The following SDHAF3 variants were observed in gnomAD, a reference collection of about 807,000 sequenced individuals.
SDHAF3 encodes the protein succinate dehydrogenase assembly factor 3, mitochondrial.
Under a neutral mutation model 11.5 loss-of-function variants are expected in SDHAF3, and 18 were observed. The ratio of observed to expected loss-of-function variants is 1.56; its 90% CI spans 1.08 to 2.32. SDHAF3 has a LOEUF of 2.32. Among genes scored for constraint, SDHAF3 ranks in the 30% most tolerant of loss-of-function variants. SDHAF3 has a pLI of 0.00. For synonymous variants in SDHAF3, 72 were observed against 59.3 expected, an observed-to-expected ratio of 1.21 and a Z score of -0.99; for missense variants, 200 against 154.4, an observed-to-expected ratio of 1.30 and a Z score of -1.57.
At chr7:97,164,613 G>A (rs1789473164) in intron 1 of SDHAF3, among the ~76,000 whole-genome samples, 1 of 150,828 alleles carries the variant, frequency 6.6e-6, no homozygotes, top group African/African-American at 2.4e-5. Flanking sequence ...GACCCTAGGT[G>A]ATCCACCCCT....
intron 1 of SDHAF3, among the ~76,000 whole-genome samples, chr7:97,167,208 C>T (rs921063806): frequency 1.1e-4 from 16 of 152,038 alleles, no homozygotes; most frequent in South Asian, 2.1e-4. Context: ...GGGCAGATTT[C>T]CCCCTTGCTG....
At chr7:97,162,924 A>T (rs1789436334) in intron 1 of SDHAF3, among the ~76,000 whole-genome samples, 1 of 152,154 alleles carries the variant, frequency 6.6e-6, no homozygotes, top group African/African-American at 2.4e-5. Context: ...TGCAGAGCTG[A>T]GTTCAACTCC....
chr7:97,154,919 G>A (rs771669875), intron 1 of SDHAF3, among the ~76,000 whole-genome samples: 5 of 152,016 alleles, frequency 3.3e-5, no homozygotes, highest in Admixed American at 6.6e-5. Flanking sequence ...TTAATTACTC[G>A]GGTACCTTAG....
intron 1 of SDHAF3, among the ~76,000 whole-genome samples, chr7:97,139,342 G>A (rs866515627): frequency 7.9e-5 from 12 of 152,176 alleles, no homozygotes; most frequent in Admixed American, 6.5e-4. Context: ...TCCAAAATAC[G>A]GCTGAGTCTG....
At chr7:97,164,853 A>G (rs1409649099) in intron 1 of SDHAF3, among the ~76,000 whole-genome samples, 1 of 152,190 alleles carries the variant, frequency 6.6e-6, no homozygotes, top group Non-Finnish European at 1.5e-5. Flanking sequence ...ATCATACTGA[A>G]GCAACATATT....
chr7:97,147,347 C>T (rs7810432), intron 1 of SDHAF3, among the ~76,000 whole-genome samples: 63,823 of 151,994 alleles, frequency 0.42, 13,794 homozygotes, highest in African/African-American at 0.53. Flanking sequence ...TTTCTTCTTT[C>T]AGTAAATTTG....
intron 1 of SDHAF3, among the ~76,000 whole-genome samples, chr7:97,151,623 C>G (rs560152927): frequency 6.6e-6 from 1 of 151,692 alleles, no homozygotes; most frequent in Non-Finnish European, 1.5e-5. Context: ...CTCAGCCTCC[C>G]GAGTAGCTGG....
At chr7:97,170,929 T>TTGAC (rs1789594098) in intron 1 of SDHAF3, among the ~76,000 whole-genome samples, 1 of 152,196 alleles carries the variant, frequency 6.6e-6, no homozygotes, top group African/African-American at 2.4e-5. Context: ...TCAATCATCT[T>TTGAC]TGACTTGAAA....
At chr7:97,150,270 A>C (rs375161204) in intron 1 of SDHAF3, among the ~76,000 whole-genome samples, 12 of 152,348 alleles carry the variant, frequency 7.9e-5, no homozygotes, top group African/African-American at 2.9e-4. Context: ...CCCATGAATC[A>C]CAAATGCTGT....
chr7:97,126,100 C>T (rs1791568976), intron 1 of SDHAF3, among the ~76,000 whole-genome samples: 1 of 152,206 alleles, frequency 6.6e-6, no homozygotes, highest in Non-Finnish European at 1.5e-5. Context: ...CTACTCCAGA[C>T]CCTATTTGCC....
intron 1 of SDHAF3, among the ~76,000 whole-genome samples, chr7:97,145,351 A>G (rs1562824571): frequency 6.6e-6 from 1 of 152,126 alleles, no homozygotes; most frequent in South Asian, 2.1e-4. Flanking sequence ...AGTACATTTC[A>G]TATTTGAATT....
chr7:97,123,056 C>A lies in SDHAF3; in HGVS notation c.174+5159C>A, dbSNP rs543523509. 4.8e-3 allele frequency among the ~76,000 whole-genome samples: 723 copies of A among 152,032 alleles called. 5 individuals are homozygous for A. The highest frequency in any genetic ancestry group is 0.017 in the African/African-American group (686 of 41,434). On this transcript the variant is annotated intron_variant, in intron 1 of 1. Coordinates refer to ENST00000432641, the MANE Select transcript of SDHAF3 (RefSeq NM_020186.3). ...GGTTTGTTACATAGGTATACATGTA[C>A]CATGGTGGTTTGCTATACCTATCAA...
At chr7:97,166,597 A>C (rs1381230925) in intron 1 of SDHAF3, among the ~76,000 whole-genome samples, 1 of 152,164 alleles carries the variant, frequency 6.6e-6, no homozygotes, top group Non-Finnish European at 1.5e-5. Context: ...TTTCTGTTTT[A>C]ATGTTAATGC....
chr7:97,150,594 C>T (rs1184822407), intron 1 of SDHAF3, among the ~76,000 whole-genome samples: 14 of 135,684 alleles, frequency 1.0e-4, no homozygotes, highest in East Asian at 8.5e-4. Context: ...GATGGGGTCT[C>T]GCTCTGTCCC....
intron 1 of SDHAF3, among the ~76,000 whole-genome samples, chr7:97,125,796 G>A (rs1791564604): frequency 6.6e-6 from 1 of 152,186 alleles, no homozygotes; most frequent in Non-Finnish European, 1.5e-5. Flanking sequence ...GTAGCTCAGA[G>A]GAGTTTGTTA....
chr7:97,158,463 G>A (rs1017870668), intron 1 of SDHAF3, among the ~76,000 whole-genome samples: 4 of 152,098 alleles, frequency 2.6e-5, no homozygotes, highest in African/African-American at 9.7e-5. Flanking sequence ...GAGTAGCTAG[G>A]ATTACAGGTG....
At chr7:97,125,909 A>C (rs768072271) in intron 1 of SDHAF3, among the ~76,000 whole-genome samples, 21 of 152,182 alleles carry the variant, frequency 1.4e-4, no homozygotes, top group African/African-American at 2.2e-4. Context: ...GGAGGAGAAG[A>C]AGCATTCTGG....
chr7:97,118,883 T>G (rs946313618), intron 1 of SDHAF3, among the ~76,000 whole-genome samples: 10 of 152,220 alleles, frequency 6.6e-5, no homozygotes, highest in Non-Finnish European at 1.5e-4. Context: ...GAGCGACATT[T>G]AGAACAATCG....
chr7:97,134,091 C>T (rs1013920823), intron 1 of SDHAF3, among the ~76,000 whole-genome samples: 2 of 152,168 alleles, frequency 1.3e-5, no homozygotes, highest in Non-Finnish European at 2.9e-5. Flanking sequence ...GCAGCTGACT[C>T]CCTCCCCCCT....
Sources: allele counts gnomAD v4.1 joint callset (sites outside exome capture counted in the v4.1 genomes callset), GRCh38; gene constraint gnomAD v4.1.1; transcripts MANE v1.5; gene names NCBI Gene and HGNC (gene_info 2026-07-23, HGNC 2026-07-21).